The following MACROD2 variants were observed in gnomAD, a reference collection of about 807,000 sequenced individuals.
MACROD2 encodes mono-ADP ribosylhydrolase 2.
Under a neutral mutation model 70.4 loss-of-function variants are expected in MACROD2, and 36 were observed. The ratio of observed to expected loss-of-function variants is 0.51; its 90% CI spans 0.39 to 0.68. The LOEUF (loss-of-function observed/expected upper bound fraction) is 0.68, where lower values mean the gene tolerates loss of function less well. Ranked by LOEUF, MACROD2 falls within the 30% of genes least tolerant of loss-of-function variation. The pLI, the probability that MACROD2 is intolerant of heterozygous loss-of-function variation, is 0.00. For missense variants in MACROD2, 496 were observed against 538.4 expected, an observed-to-expected ratio of 0.92 and a Z score of 0.78; for synonymous variants, 172 against 178.8, an observed-to-expected ratio of 0.96 and a Z score of 0.30.
intron 5 of MACROD2, among the ~76,000 whole-genome samples, chr20:14,842,922 A>C (rs1224378270): frequency 6.6e-6 from 1 of 152,048 alleles, no homozygotes; most frequent in Non-Finnish European, 1.5e-5. Context: ...TCCTGTCTTC[A>C]GAGGGTGCAC....
At chr20:15,396,088 A>G (rs114857180) in intron 6 of MACROD2, among the ~76,000 whole-genome samples, 1,869 of 152,332 alleles carry the variant, frequency 0.012, 51 homozygotes, top group African/African-American at 0.043. Flanking sequence ...GATATTTTAA[A>G]TTCACAGACA....
chr20:15,128,343 G>A (rs972221287), intron 5 of MACROD2, among the ~76,000 whole-genome samples: 3 of 151,978 alleles, frequency 2.0e-5, no homozygotes, highest in African/African-American at 4.8e-5. Flanking sequence ...CCCTTCCAAC[G>A]TTCCATTACT....
chr20:15,408,511 C>G (rs1265684979), intron 6 of MACROD2, among the ~76,000 whole-genome samples: 2 of 152,136 alleles, frequency 1.3e-5, no homozygotes, highest in African/African-American at 4.8e-5. Context: ...TCTCTTCTTC[C>G]TTTTGATCTT....
chr20:14,575,041 A>AAAATAT (rs1175447813), intron 4 of MACROD2, among the ~76,000 whole-genome samples: 4 of 23,862 alleles, frequency 1.7e-4, no homozygotes, highest in African/African-American at 3.0e-4. Flanking sequence ...AAAAAAAAAA[A>AAAATAT]ATATTCACAA....
chr20:14,217,432 C>A (rs2081632463), intron 3 of MACROD2, among the ~76,000 whole-genome samples: 1 of 152,092 alleles, frequency 6.6e-6, no homozygotes, highest in African/African-American at 2.4e-5. Context: ...AGGATTTTAG[C>A]ATCTAAGTTC....
intron 6 of MACROD2, among the ~76,000 whole-genome samples, chr20:15,249,961 G>A (rs2077140588): frequency 6.6e-6 from 1 of 152,222 alleles, no homozygotes; most frequent in Admixed American, 6.5e-5. Flanking sequence ...TGAGCTGTTA[G>A]TATTAAACCC....
intron 8 of MACROD2, among the ~76,000 whole-genome samples, chr20:15,635,999 C>T (rs867034971): frequency 7.3e-6 from 1 of 136,704 alleles, no homozygotes; most frequent in Middle Eastern, 4.2e-3. Context: ...GCCCAAAAGG[C>T]GGAGGTTGCA....
At chr20:15,210,642 C>G (rs997354322) in intron 5 of MACROD2, among the ~76,000 whole-genome samples, 4 of 149,748 alleles carry the variant, frequency 2.7e-5, no homozygotes, top group Admixed American at 2.0e-4. Context: ...AATTGTAATC[C>G]CCAGTGTTAG....
At chr20:14,094,928 C>T (rs891804187) in intron 3 of MACROD2, among the ~76,000 whole-genome samples, 3 of 152,106 alleles carry the variant, frequency 2.0e-5, no homozygotes, top group Non-Finnish European at 4.4e-5. Context: ...TCCCTCCCAC[C>T]CACTTTCTCT....
intron 3 of MACROD2, among the ~76,000 whole-genome samples, chr20:14,102,753 G>A (rs2054317284): frequency 6.6e-6 from 1 of 152,154 alleles, no homozygotes; most frequent in Non-Finnish European, 1.5e-5. Flanking sequence ...ATATAGGATG[G>A]GGATTGGGAT....
intron 5 of MACROD2, among the ~76,000 whole-genome samples, chr20:14,746,035 C>T (rs1218998513): frequency 1.3e-5 from 2 of 152,128 alleles, no homozygotes; most frequent in East Asian, 1.9e-4. Context: ...CAATGCTGCT[C>T]TCAAATTACC....
chr20:15,522,786 G>A (rs2047670243), intron 8 of MACROD2, among the ~76,000 whole-genome samples: 1 of 152,172 alleles, frequency 6.6e-6, no homozygotes, highest in Non-Finnish European at 1.5e-5. Context: ...TAACTGCTGG[G>A]TGACTGGAGA....
At chr20:15,929,845 T>C (rs2065547265) in intron 10 of MACROD2, among the ~76,000 whole-genome samples, 1 of 152,220 alleles carries the variant, frequency 6.6e-6, no homozygotes, top group South Asian at 2.1e-4. Context: ...TCTGAAATGT[T>C]CTTGCAAACA....
chr20:15,220,004 T>C (rs2076844778), intron 5 of MACROD2, among the ~76,000 whole-genome samples: 1 of 151,926 alleles, frequency 6.6e-6, no homozygotes, highest in South Asian at 2.1e-4. Flanking sequence ...TTTTTTTTTT[T>C]TTCTGTTTGA....
intron 6 of MACROD2, among the ~76,000 whole-genome samples, chr20:15,360,958 G>A (rs1377044528): frequency 1.3e-5 from 2 of 149,624 alleles, no homozygotes; most frequent in Admixed American, 6.7e-5. Flanking sequence ...ACTAGATATC[G>A]GACCTTTGTC....
chr20:15,088,480 TAAAGTCAGGC>T (rs2075769950), intron 5 of MACROD2, among the ~76,000 whole-genome samples: 2 of 145,856 alleles, frequency 1.4e-5, no homozygotes, highest in African/African-American at 5.1e-5. Flanking sequence ...TGTGTTGCTT[TAAAGTCAGGC>T]AAAGCTACTG....
intron 5 of MACROD2, among the ~76,000 whole-genome samples, chr20:15,159,219 T>C (rs2076330263): frequency 6.6e-6 from 1 of 152,100 alleles, no homozygotes; most frequent in African/African-American, 2.4e-5. Context: ...GTAAAGCCAC[T>C]GGGGGAAAAA....
intron 5 of MACROD2, among the ~76,000 whole-genome samples, chr20:15,088,790 C>T (rs434087): frequency 0.49 from 73,502 of 151,012 alleles, 19,586 homozygotes; most frequent in Non-Finnish European, 0.61. Flanking sequence ...TATGTATGTG[C>T]ACAGTACAGG....
At chr20:14,236,726 T>C (rs2081876133) in intron 3 of MACROD2, among the ~76,000 whole-genome samples, 1 of 152,180 alleles carries the variant, frequency 6.6e-6, no homozygotes, top group Non-Finnish European at 1.5e-5. Flanking sequence ...TGGTGTATAT[T>C]CATTTAGTTC....
Sources: gnomAD v4.1 joint callset for allele counts (sites outside exome capture counted in the v4.1 genomes callset) on GRCh38, gnomAD v4.1.1 for gene constraint, MANE v1.5 for transcripts, NCBI Gene and HGNC (gene_info 2026-07-23, HGNC 2026-07-21) for gene names.